The following UNC13C variants were observed in gnomAD, a reference collection of about 807,000 sequenced individuals.
UNC13C encodes protein unc-13 homolog C.
UNC13C carries 174 observed loss-of-function variants against 245.4 expected under a neutral mutation model. The ratio of observed to expected loss-of-function variants is 0.71; its 90% CI spans 0.63 to 0.80. The LOEUF (loss-of-function observed/expected upper bound fraction) is 0.80, where lower values mean the gene tolerates loss of function less well. Among genes scored for constraint, UNC13C ranks in the 30% least tolerant of loss-of-function variants. The pLI is 0.00. For synonymous variants in UNC13C, 992 were observed against 895.1 expected, an observed-to-expected ratio of 1.11 and a Z score of -1.93; for missense variants, 2,829 against 2,602.9, an observed-to-expected ratio of 1.09 and a Z score of -1.89.
chr15:54,218,584 T>C (rs965210033), intron 4 of UNC13C, among the ~76,000 whole-genome samples: 10 of 151,884 alleles, frequency 6.6e-5, no homozygotes, highest in African/African-American at 2.4e-4. Flanking sequence ...TTGAAAGAGA[T>C]GAGCTATGAG....
intron 19 of UNC13C, among the ~76,000 whole-genome samples, chr15:54,474,534 G>A (rs530126626): frequency 6.6e-6 from 1 of 151,680 alleles, no homozygotes; most frequent in Admixed American, 6.6e-5. Context: ...TGTTGTGTTT[G>A]TTTGTTTTGT....
the UNC13C span, among the ~76,000 whole-genome samples, chr15:53,918,982 G>C: frequency 6.6e-6 from 1 of 152,166 alleles, no homozygotes; most frequent in Admixed American, 6.5e-5. Context: ...TCCTATTTTA[G>C]TTTGTTTCTG....
intron 1 of UNC13C, among the ~76,000 whole-genome samples, chr15:53,988,012 G>T (rs1437435391): frequency 6.6e-6 from 1 of 151,938 alleles, no homozygotes; most frequent in Non-Finnish European, 1.5e-5. Flanking sequence ...GTGGTTACCT[G>T]TGCAGAGGCC....
intron 2 of UNC13C, among the ~76,000 whole-genome samples, chr15:54,129,369 C>G (rs11071044): frequency 0.36 from 55,319 of 152,066 alleles, 11,389 homozygotes; most frequent in Non-Finnish European, 0.47. Flanking sequence ...ATTTCAGTAT[C>G]AAGCTTATAC....
At chr15:54,336,445 T>TA (rs56304717) in intron 16 of UNC13C, among the ~76,000 whole-genome samples, 97,730 of 151,316 alleles carry the variant, frequency 0.65, 32,365 homozygotes, top group African/African-American at 0.76. Context: ...TAATTAATCT[T>TA]AAAATATCTC....
At chr15:54,571,011 C>T (rs1897730972) in intron 30 of UNC13C, among the ~76,000 whole-genome samples, 1 of 152,170 alleles carries the variant, frequency 6.6e-6, no homozygotes, top group South Asian at 2.1e-4. Context: ...GGGTTCCACC[C>T]TTTGTATTCC....
At chr15:54,492,986 A>G (rs760611581) in intron 19 of UNC13C, among the ~76,000 whole-genome samples, 1 of 152,212 alleles carries the variant, frequency 6.6e-6, no homozygotes, top group African/African-American at 2.4e-5. Context: ...GTTCTGTGCC[A>G]GCACCAAGTG....
intron 1 of UNC13C, among the ~76,000 whole-genome samples, chr15:53,985,714 C>T (rs1894110049): frequency 6.6e-6 from 1 of 151,996 alleles, no homozygotes; most frequent in Admixed American, 6.6e-5. Flanking sequence ...GGGGAGCTGC[C>T]TACCTGATGT....
rs139802073 is a variant in UNC13C, at chr15:54,327,902, A to G, written c.4426-4141A>G. On this transcript the variant is annotated intron_variant, in intron 14 of 32. Transcript: ENST00000260323. ...AAGTCTTTCAGAAAGGCATTCTTGG[A>G]TTATGAAACTGGCAAGAGGCTTTAA... is the stretch of plus-strand genomic sequence containing the variant. Among the ~76,000 whole-genome samples, 764 of 152,196 alleles carry G rather than the reference A, an allele frequency of 5.0e-3. 6 individuals are homozygous for G. Among genetic ancestry groups the G allele is most frequent in the Non-Finnish European group, 8.2e-3 (557 of 67,972 alleles).
At chr15:54,369,817 G>T (rs1217916222) in intron 17 of UNC13C, among the ~76,000 whole-genome samples, 2 of 152,076 alleles carry the variant, frequency 1.3e-5, no homozygotes, top group African/African-American at 4.8e-5. Context: ...AACCAAAAGG[G>T]TATGTGGGCC....
the UNC13C span, among the ~76,000 whole-genome samples, chr15:53,874,569 A>G: frequency 6.6e-6 from 1 of 152,210 alleles, no homozygotes; most frequent in Non-Finnish European, 1.5e-5. Flanking sequence ...TCCTTTACCC[A>G]GAGAGGACAG....
At chr15:54,210,435 A>G (rs994030458) in intron 4 of UNC13C, among the ~76,000 whole-genome samples, 4 of 151,924 alleles carry the variant, frequency 2.6e-5, no homozygotes, top group Non-Finnish European at 5.9e-5. Context: ...ATGCAATGCT[A>G]TGTCAAAATT....
intron 19 of UNC13C, among the ~76,000 whole-genome samples, chr15:54,455,205 C>CTCTATATATATATATA (rs1388065398): frequency 6.3e-4 from 12 of 18,956 alleles, no homozygotes; most frequent in Non-Finnish European, 9.2e-4. Context: ...CTCTCTCTCT[C>CTCTATATATATATATA]TATATATATA....
intron 4 of UNC13C, among the ~76,000 whole-genome samples, chr15:54,152,359 T>C (rs182850262): frequency 6.6e-6 from 1 of 152,308 alleles, no homozygotes; most frequent in Admixed American, 6.5e-5. Flanking sequence ...GAGAAAAAAG[T>C]ATTGTATTGA....
chr15:54,356,299 C>T (rs555484635), intron 17 of UNC13C, among the ~76,000 whole-genome samples: 1 of 151,626 alleles, frequency 6.6e-6, no homozygotes, highest in Non-Finnish European at 1.5e-5. Context: ...TAGTAGATAC[C>T]AACAAATTAA....
intron 4 of UNC13C, among the ~76,000 whole-genome samples, chr15:54,154,663 G>A (rs924817500): frequency 2.0e-5 from 3 of 152,210 alleles, no homozygotes; most frequent in Non-Finnish European, 4.4e-5. Flanking sequence ...ATGAGGAGGA[G>A]GGTGCACTTT....
chr15:54,295,088 T>C (rs897136875), intron 11 of UNC13C, among the ~76,000 whole-genome samples: 41 of 152,150 alleles, frequency 2.7e-4, no homozygotes, highest in African/African-American at 9.9e-4. Context: ...CTCTTATGTA[T>C]TGGAGTAGAA....
intron 4 of UNC13C, among the ~76,000 whole-genome samples, chr15:54,226,901 G>A (rs1421474406): frequency 1.3e-5 from 2 of 152,092 alleles, no homozygotes; most frequent in African/African-American, 4.8e-5. Flanking sequence ...GGCTCAGGGA[G>A]TCCCCAGGTC....
rs752870750 is a variant in UNC13C at position 54,525,609 on chromosome 15, G to T, written c.5518G>T (p.Asp1840Tyr). 6 of 1,612,854 alleles carry T rather than the reference G, an allele frequency of 3.7e-6. No individual in the cohort carries two copies. Among genetic ancestry groups the T allele is most frequent in the Non-Finnish European group, 2.5e-6 (3 of 1,179,476 alleles). The stretch of plus-strand genomic sequence containing the variant: ...TCAGGTTAAGCTCAGTGGGGTCCTG[G>T]ATGAGCTCAGCGTCACTTATGGTGA... ...ELQVKLSGVL[D>Y]ELSVTYGESF... The change falls in exon 25 of 33, where the codon GAT becomes TAT. Residue 1840 changes from aspartate to tyrosine, a missense_variant. Coordinates refer to ENST00000260323, the MANE Select transcript of UNC13C (RefSeq NM_001080534.3).
Sources: allele counts gnomAD v4.1 joint callset (sites outside exome capture counted in the v4.1 genomes callset), GRCh38; gene constraint gnomAD v4.1.1; transcripts MANE v1.5; gene names NCBI Gene and HGNC (gene_info 2026-07-23, HGNC 2026-07-21).